Variants in NAALADL2 observed in about 807,000 individuals in gnomAD.
The protein encoded by NAALADL2 is N-acetylated alpha-linked acidic dipeptidase like 2, also known as inactive N-acetylated-alpha-linked acidic dipeptidase-like protein 2.
Under a neutral mutation model 87.2 loss-of-function variants are expected in NAALADL2, and 76 were observed. That is an observed-to-expected ratio of 0.87 (90% CI 0.72 to 1.05). NAALADL2 has a LOEUF of 1.05. Ranked by LOEUF, NAALADL2 falls within the 50% of genes least tolerant of loss-of-function variation. The pLI, the probability that NAALADL2 is intolerant of heterozygous loss-of-function variation, is 0.00. For missense variants in NAALADL2, 1,089 were observed against 945.8 expected (o/e 1.15, Z -1.99); for synonymous variants, 354 against 331.0 (o/e 1.07, Z -0.75).
At chr3:174,701,478 A>G (rs916576443) in intron 2 of NAALADL2, among the ~76,000 whole-genome samples, 4 of 152,132 alleles carry the variant, frequency 2.6e-5, no homozygotes, top group African/African-American at 9.6e-5. Context: ...TATACAATAA[A>G]CTACACATAT....
In NAALADL2 at chr3:174,955,238, G is replaced by A. The variant is rs189572110; in HGVS notation, c.43+95788G>A. On this transcript the variant is annotated intron_variant, in intron 1 of 13. Transcript: ENST00000454872. The stretch of plus-strand genomic sequence containing the variant: ...ATATAATTCACGACGCATTTTCAAA[G>A]TTGGCAAGTGTACCATATCAGGAGA... Among the ~76,000 whole-genome samples the A allele has an allele frequency of 3.3e-5, 5 of 152,148 alleles. No homozygotes were observed. The East Asian group carries it at 9.7e-4, about 29-fold the overall frequency.
In NAALADL2 at chr3:175,357,316, A is replaced by G. The variant is rs140207185; in HGVS notation, c.1090+32991A>G. Among the ~76,000 whole-genome samples the G allele has an allele frequency of 2.1e-3, 322 of 152,282 alleles. 5 individuals carry two copies. Among genetic ancestry groups the G allele is most frequent in the Middle Eastern group, 0.02 (6 of 294 alleles). ...AGGCTTGACTCATCTTAAGTTGGTT[A>G]CATGTATCACAAAAAGTAAGAAATG... On this transcript the variant is annotated intron_variant, in intron 5 of 13. Transcript: ENST00000454872.
At chr3:174,813,462 A>T (rs1238866619) in intron 3 of NAALADL2, among the ~76,000 whole-genome samples, 2 of 152,170 alleles carry the variant, frequency 1.3e-5, no homozygotes, top group African/African-American at 4.8e-5. Context: ...TATTCAGTAT[A>T]GTTTTAATAA....
chr3:175,497,200 G>A (rs779788771), intron 9 of NAALADL2, among the ~76,000 whole-genome samples: 3 of 151,934 alleles, frequency 2.0e-5, no homozygotes, highest in Admixed American at 6.6e-5. Context: ...CAGCCTCCCC[G>A]AGTAGCTGAG....
At chr3:175,128,224 T>A (rs1727265596) in intron 2 of NAALADL2, among the ~76,000 whole-genome samples, 1 of 152,188 alleles carries the variant, frequency 6.6e-6, no homozygotes, top group Non-Finnish European at 1.5e-5. Flanking sequence ...CTATATTTTA[T>A]TTAAAGCATT....
In NAALADL2 at chr3:174,582,630, G is replaced by A. The variant is rs1032604360; in HGVS notation, c.-115+31993G>A. Among the ~76,000 whole-genome samples, 3 of 152,160 alleles carry A rather than the reference G, an allele frequency of 2.0e-5. No homozygotes were observed. In the South Asian group the frequency reaches 6.2e-4, roughly 32 times the overall value. On this transcript the variant is annotated intron_variant, in intron 2 of 3. Transcript: ENST00000434257. Reference sequence around the variant, plus strand: ...GGAGTCTCACTTTGTTGCCCAGGCTGGAATGCAGTGGTGTGATCTCGGCTC... The same window carrying A: ...GGAGTCTCACTTTGTTGCCCAGGCTAGAATGCAGTGGTGTGATCTCGGCTC...
intron 3 of NAALADL2, among the ~76,000 whole-genome samples, chr3:174,850,347 A>G (rs957708923): frequency 2.6e-5 from 4 of 152,140 alleles, no homozygotes; most frequent in Non-Finnish European, 5.9e-5. Flanking sequence ...TTAAAAACAA[A>G]AACAAGATCC....
intron 1 of NAALADL2, among the ~76,000 whole-genome samples, chr3:174,896,253 T>C (rs932276238): frequency 5.3e-5 from 8 of 152,134 alleles, no homozygotes; most frequent in African/African-American, 1.2e-4. Context: ...CCTTGTTTGC[T>C]GATGCTATGA....
chr3:175,326,684 C>T (rs1186346308), intron 5 of NAALADL2, among the ~76,000 whole-genome samples: 1 of 152,190 alleles, frequency 6.6e-6, no homozygotes, highest in African/African-American at 2.4e-5. Flanking sequence ...GGGCTTTAAT[C>T]ATTTCATCCA....
intron 2 of NAALADL2, among the ~76,000 whole-genome samples, chr3:174,715,951 C>A (rs971879461): frequency 6.6e-6 from 1 of 152,098 alleles, no homozygotes; most frequent in African/African-American, 2.4e-5. Flanking sequence ...TAATTCATTA[C>A]ATTTTTTTCT....
chr3:175,482,681 C>T (rs1205789288), intron 9 of NAALADL2, among the ~76,000 whole-genome samples: 1 of 151,918 alleles, frequency 6.6e-6, no homozygotes, highest in East Asian at 1.9e-4. Context: ...CTCTAACCTA[C>T]TAATTTTGTT....
At chr3:175,643,644 A>C (rs1192322539) in intron 11 of NAALADL2, among the ~76,000 whole-genome samples, 1 of 152,200 alleles carries the variant, frequency 6.6e-6, no homozygotes, top group Non-Finnish European at 1.5e-5. Flanking sequence ...GTCAGTGAGA[A>C]AAAATCATTA....
chr3:175,349,557 C>T (rs931972188), intron 5 of NAALADL2, among the ~76,000 whole-genome samples: 4 of 152,130 alleles, frequency 2.6e-5, no homozygotes, highest in Non-Finnish European at 5.9e-5. Context: ...GCGGAGTTTT[C>T]CTTTTTAAAT....
chr3:174,657,188 G>T (rs566489447), intron 2 of NAALADL2, among the ~76,000 whole-genome samples: 1 of 151,294 alleles, frequency 6.6e-6, no homozygotes, highest in African/African-American at 2.4e-5. Flanking sequence ...TGCCACCACC[G>T]GCCACATTTT....
At chr3:174,855,743 G>T (rs541697697), upstream of NAALADL2, among the ~76,000 whole-genome samples, 19 of 149,706 alleles carry the variant, frequency 1.3e-4, no homozygotes, top group African/African-American at 4.7e-4. Flanking sequence ...CTTTTAAAGT[G>T]TCTTTGGCAT....
chr3:175,754,050 T>G (rs776429960), intron 12 of NAALADL2, among the ~76,000 whole-genome samples: 4 of 152,162 alleles, frequency 2.6e-5, no homozygotes, highest in South Asian at 2.1e-4. Flanking sequence ...TGGTGAGATA[T>G]CTGGAAGAAG....
chr3:175,383,185 C>G (rs1355463092), intron 5 of NAALADL2, among the ~76,000 whole-genome samples: 4 of 151,998 alleles, frequency 2.6e-5, no homozygotes, highest in Non-Finnish European at 5.9e-5. Context: ...TGTTAGGAGG[C>G]TTTCAGTTAC....
intron 1 of NAALADL2, among the ~76,000 whole-genome samples, chr3:174,859,943 G>A (rs80219086): frequency 0.014 from 2,125 of 152,148 alleles, 49 homozygotes; most frequent in African/African-American, 0.049. Context: ...GAACATGGGC[G>A]AGCCTATCAG....
At chr3:175,017,029 C>A (rs189316124) in intron 1 of NAALADL2, among the ~76,000 whole-genome samples, 1 of 149,332 alleles carries the variant, frequency 6.7e-6, no homozygotes, top group Non-Finnish European at 1.5e-5. Context: ...CATCTACCTG[C>A]GTTTTTGTAC....
Sources: gnomAD v4.1 joint callset for allele counts (sites outside exome capture counted in the v4.1 genomes callset) on GRCh38, gnomAD v4.1.1 for gene constraint, MANE v1.5 for transcripts, NCBI Gene and HGNC (gene_info 2026-07-23, HGNC 2026-07-21) for gene names.